The following ZNF445 variants were observed in gnomAD, a reference collection of about 807,000 sequenced individuals.
ZNF445 encodes zinc finger protein 168.
Under a neutral mutation model 93.9 loss-of-function variants are expected in ZNF445, and 19 were observed. The observed-to-expected ratio is 0.20, with a 90% CI of 0.14 to 0.30. ZNF445 has a LOEUF of 0.30. Ranked by LOEUF, ZNF445 falls within the 10% of genes least tolerant of loss-of-function variation. The pLI, the probability that ZNF445 is intolerant of heterozygous loss-of-function variation, is 1.00. For synonymous variants in ZNF445, 449 were observed against 446.3 expected (o/e 1.01, Z -0.08); for missense variants, 1,058 against 1,259.4 (o/e 0.84, Z 2.42).
At chr3:44,449,694 C>A in intron 6 of ZNF445, 71 bp from the exon 7 acceptor site, 1 of 1,288,118 alleles carries the variant, frequency 7.8e-7, no homozygotes, top group Non-Finnish European at 1.1e-6. Flanking sequence ...GACCTCTGGG[C>A]CTGAAGTCCT....
At chr3:44,462,309 T>C (rs1434103951) in intron 1 of ZNF445, among the ~76,000 whole-genome samples, 1 of 152,322 alleles carries the variant, frequency 6.6e-6, no homozygotes, top group South Asian at 2.1e-4. Context: ...TGTGACAATG[T>C]AGGGATACTT....
intron 6 of ZNF445, 146 bp downstream of exon 6, chr3:44,450,301 C>A: frequency 1.1e-6 from 1 of 933,810 alleles, no homozygotes; most frequent in Admixed American, 2.1e-5. Flanking sequence ...TCAAAAGAGG[C>A]TACCAAGGTG....
intron 1 of ZNF445, among the ~76,000 whole-genome samples, chr3:44,473,492 A>ACACACACACACACACACACAC (rs1559400839): frequency 1.1e-5 from 1 of 89,032 alleles, no homozygotes. Context: ...CACACACACA[A>ACACACACACACACACACACAC]AAAATGCTTT....
At chr3:44,455,797 A>G in intron 2 of ZNF445, 101 bp from the exon 3 acceptor site, 1 of 458,976 alleles carries the variant, frequency 2.2e-6, no homozygotes, top group Non-Finnish European at 3.8e-6. Flanking sequence ...GCGTTTGCAC[A>G]AAGGTATATG....
intron 7 of ZNF445, among the ~76,000 whole-genome samples, chr3:44,449,158 C>T (rs1327704029): frequency 1.3e-5 from 2 of 152,070 alleles, no homozygotes; most frequent in African/African-American, 4.8e-5. Flanking sequence ...GGGATGAGGG[C>T]TCCTAAGAGC....
rs774955784 is a variant in ZNF445, at chr3:44,450,552, C to T, written c.715G>A (p.Val239Met). 2 of 1,614,138 alleles carry T rather than the reference C, an allele frequency of 1.2e-6. No homozygotes were observed. Among genetic ancestry groups the T allele is most frequent in the South Asian group, 2.2e-5 (2 of 91,078 alleles). The change falls in exon 6 of 8, where the codon GTG becomes ATG. Residue 239 changes from valine to methionine, a missense_variant. This residue lies in a region of ZNF445 where 657 missense variants were observed against 746.4 expected (regional missense o/e 0.88). Coordinates refer to ENST00000396077, the MANE Select transcript of ZNF445 (RefSeq NM_181489.6). ...TCGTCCTGGGAGAAGGTCACCTCCACATCCTTGAAAGTCATGGTCTCCTGA... is the reference window on the plus strand; with the variant it reads ...TCGTCCTGGGAGAAGGTCACCTCCATATCCTTGAAAGTCATGGTCTCCTGA... ...QLQETMTFKD[V>M]EVTFSQDEWG...
Position 44,448,108 on chromosome 3 carries a change from G to C in ZNF445, c.1563C>G (p.Ala521=). The part of the protein sequence containing the change: ...KAFKCRVCGK[A]FRWSSNCARH... ...GCGCACAGTTGGAACTCCACCGGAAGGCTTTCCCACACACCCTACATTTAA... is the reference window on the plus strand; with the variant it reads ...GCGCACAGTTGGAACTCCACCGGAACGCTTTCCCACACACCCTACATTTAA... The change falls in exon 8 of 8, where the codon GCC becomes GCG. Residue 521 remains alanine, a synonymous_variant. Transcript: ENST00000396077. 3 of 1,613,874 alleles carry C rather than the reference G, an allele frequency of 1.9e-6. No homozygotes were observed. The highest frequency in any genetic ancestry group is 2.5e-6 in the Non-Finnish European group (3 of 1,180,032).
intron 1 of ZNF445, among the ~76,000 whole-genome samples, chr3:44,460,824 CAA>C (rs1698104253): frequency 6.6e-6 from 1 of 152,212 alleles, no homozygotes; most frequent in South Asian, 2.1e-4. Context: ...AAGCAGCAGG[CAA>C]AGTTTACTCC....
rs564427375 is a variant in ZNF445 at position 44,448,344 on chromosome 3, C to T, written c.1327G>A (p.Gly443Ser). The change falls in exon 8 of 8, where the codon GGC becomes AGC. Residue 443 changes from glycine (G) to serine (S), a missense_variant. Around this residue, in one of 3 missense-constraint regions of ZNF445, gnomAD observed 657 missense variants for 746.4 expected, o/e 0.88. Transcript: ENST00000396077. ...YGKGLRHMIG[G>S]FSLHQRIHSG... ...TGAATTCTCTGATGTAGGCTGAAGC[C>T]CCCAATCATGTGTCTGAGCCCCTTC... 3 of 1,614,180 alleles carry T rather than the reference C, an allele frequency of 1.9e-6. No individual in the cohort carries two copies. In the South Asian group the frequency reaches 3.3e-5, roughly 18 times the overall value.
chr3:44,451,588 G>C (rs1281245860), intron 3 of ZNF445, 106 bp from the exon 4 acceptor site: 1 of 1,251,442 alleles, frequency 8.0e-7, no homozygotes, highest in Non-Finnish European at 1.1e-6. Context: ...CGAGGGATAG[G>C]TAAGCCAGGT....
intron 6 of ZNF445, chr3:44,450,233 C>T: frequency 1.7e-6 from 1 of 583,828 alleles, no homozygotes; most frequent in Non-Finnish European, 3.0e-6. Context: ...GCTACCACAC[C>T]CAGCCACCTT....
intron 1 of ZNF445, among the ~76,000 whole-genome samples, chr3:44,462,798 CA>C (rs1183167287): frequency 5.3e-5 from 8 of 151,974 alleles, no homozygotes; most frequent in Non-Finnish European, 1.2e-4. Flanking sequence ...TGGTAAAATT[CA>C]AAAGCCAAAA....
In ZNF445 at chr3:44,434,913, G is replaced by A. The variant is rs943572588; in HGVS notation, c.*11662C>T. On this transcript the variant is annotated 3_prime_UTR_variant, in exon 8 of 8. Coordinates refer to ENST00000396077, the MANE Select transcript of ZNF445 (RefSeq NM_181489.6). The stretch of plus-strand genomic sequence containing the variant: ...GAACACTGTAACTCAACTTTTACGT[G>A]CTACCTTATAGATAACATTTATAAG... The A allele has an allele frequency of 6.6e-6, 1 of 152,134 alleles. No individual in the cohort carries two copies. Among genetic ancestry groups the A allele is most frequent in the Non-Finnish European group, 1.5e-5 (1 of 68,042 alleles). 9.4% of individuals were successfully genotyped at this position (152,134 alleles called of 1,614,324 possible). A position where few individuals can be genotyped will look rare whatever the true frequency, so the allele number is the denominator to read the frequency against.
rs1697748986 is a variant in ZNF445 at position 44,438,904 on chromosome 3, T to C, written c.*7671A>G. 1 of 144,246 alleles carries C rather than the reference T, an allele frequency of 6.9e-6. No individual in the cohort carries two copies. Among genetic ancestry groups the C allele is most frequent in the Non-Finnish European group, 1.5e-5 (1 of 66,292 alleles). The allele number at this position is 144,246 out of a possible 1,614,324, so 8.9% of individuals were successfully genotyped here. A position where few individuals can be genotyped will look rare whatever the true frequency, so the allele number is the denominator to read the frequency against. On this transcript the variant is annotated 3_prime_UTR_variant, in exon 8 of 8. Coordinates refer to ENST00000396077, the MANE Select transcript of ZNF445 (RefSeq NM_181489.6). ...GGGGGGGAGGGATAGCATTGGGAGATATACCTAATGCTAGATGATGAGTTA... is the reference window on the plus strand; with the variant it reads ...GGGGGGGAGGGATAGCATTGGGAGACATACCTAATGCTAGATGATGAGTTA...
chr3:44,450,334 CAGTT>C, intron 6 of ZNF445, 109 bp downstream of exon 6: 1 of 1,333,352 alleles, frequency 7.5e-7, no homozygotes, highest in Middle Eastern at 2.5e-4. Context: ...ATCTGGTCAG[CAGTT>C]ACAGAGCCAG....
At chr3:44,461,923 G>A (rs1698119292) in intron 1 of ZNF445, among the ~76,000 whole-genome samples, 2 of 152,190 alleles carry the variant, frequency 1.3e-5, no homozygotes, top group South Asian at 4.1e-4. Flanking sequence ...TCTTCTGGAA[G>A]ATGCAGAGAA....
intron 3 of ZNF445, among the ~76,000 whole-genome samples, chr3:44,454,127 A>G (rs1394114285): frequency 6.6e-6 from 1 of 152,082 alleles, no homozygotes; most frequent in Non-Finnish European, 1.5e-5. Flanking sequence ...AGCCTGGCCA[A>G]AATGGTAAAA....
chr3:44,462,749 T>C (rs999597403), intron 1 of ZNF445, among the ~76,000 whole-genome samples: 7 of 152,092 alleles, frequency 4.6e-5, no homozygotes, highest in African/African-American at 1.7e-4. Flanking sequence ...AGTTACAACA[T>C]TAGTGAAAAC....
intron 2 of ZNF445, among the ~76,000 whole-genome samples, chr3:44,456,109 G>A (rs9311357): frequency 0.72 from 109,312 of 152,110 alleles, 39,847 homozygotes; most frequent in East Asian, 1. Context: ...AAGGCAATGG[G>A]ATTAGAATAG....
Sources: allele counts gnomAD v4.1 joint callset (sites outside exome capture counted in the v4.1 genomes callset), GRCh38; gene constraint gnomAD v4.1.1; regional missense constraint gnomAD v4.1.1; transcripts MANE v1.5; gene names NCBI Gene and HGNC (gene_info 2026-07-23, HGNC 2026-07-21).